Variants in RPGRIP1L observed in about 807,000 individuals in gnomAD.
RPGRIP1L encodes protein fantom.
A neutral mutation model predicts 160.4 loss-of-function variants in RPGRIP1L; 131 were observed. The ratio of observed to expected loss-of-function variants is 0.82; its 90% CI spans 0.71 to 0.94. The LOEUF (loss-of-function observed/expected upper bound fraction) is 0.94. Ranked by LOEUF, RPGRIP1L falls within the 40% of genes least tolerant of loss-of-function variation. RPGRIP1L has a pLI of 0.00. For synonymous variants in RPGRIP1L, 510 were observed against 515.8 expected, an observed-to-expected ratio of 0.99 and a Z score of 0.15; for missense variants, 1,522 against 1,535.8, an observed-to-expected ratio of 0.99 and a Z score of 0.15.
chr16:53,686,856 T>C (rs1970055121), intron 5 of RPGRIP1L, among the ~76,000 whole-genome samples: 1 of 152,208 alleles, frequency 6.6e-6, no homozygotes, highest in Non-Finnish European at 1.5e-5. Flanking sequence ...GGAGTACACC[T>C]ACTATGTATG....
chr16:53,622,321 G>T lies in RPGRIP1L; in HGVS notation c.3330C>A (p.Ser1110Arg). 1.6e-6 allele frequency: 1 copy of T among 644,012 alleles called. No homozygotes were observed. The highest frequency in any genetic ancestry group is 2.8e-6 in the Non-Finnish European group (1 of 352,042). The allele number at this position is 644,012 out of a possible 1,614,324, so 39.9% of individuals were successfully genotyped here. A position where few individuals can be genotyped will look rare whatever the true frequency, so the allele number is the denominator to read the frequency against. The change falls in exon 23 of 27, where the codon AGC becomes AGA. Residue 1110 changes from serine (S) to arginine (R), a missense_variant. Transcript: ENST00000647211. ...GGAAGTTGCAGTGAGCTGAGATCGC[G>T]CTACTGCACCCCAGCCCGGGAGACA... Reference protein sequence around the residue: ...LALSPGLGCSSAISAHCNFRL... With the variant: ...LALSPGLGCSRAISAHCNFRL...
chr16:53,652,991 C>A lies in RPGRIP1L; in HGVS notation c.1700-4G>T, dbSNP rs1966916853. ...TAGGCAATATCCTTTAATTGGGCTG[C>A]AAGAGAAGACACACAGTTTAGAGAT... On this transcript the variant is annotated splice_region_variant and splice_polypyrimidine_tract_variant and intron_variant, in intron 14 of 26. Transcript: ENST00000647211. 6.2e-7 allele frequency: 1 copy of A among 1,605,322 alleles called. No homozygotes were observed. The highest frequency in any genetic ancestry group is 2.2e-5 in the East Asian group (1 of 44,834).
intron 7 of RPGRIP1L, among the ~76,000 whole-genome samples, chr16:53,674,085 ACT>A: frequency 6.6e-6 from 1 of 152,152 alleles, no homozygotes; most frequent in South Asian, 2.1e-4. Flanking sequence ...TATCATTCTC[ACT>A]CTCTCATCAG....
rs776302953 is a variant in RPGRIP1L at position 53,646,019 on chromosome 16, T to C, written c.2305-16A>G. The C allele has an allele frequency of 1.2e-6, 2 of 1,612,186 alleles. No individual in the cohort carries two copies. The highest frequency in any genetic ancestry group is 1.7e-6 in the Non-Finnish European group (2 of 1,178,392). On this transcript the variant is annotated splice_polypyrimidine_tract_variant and intron_variant, in intron 16 of 26. Transcript: ENST00000647211. ...GCTGACTTAACTGGAAAAACATACATATTTATATTAAGGAAATAACACAGT... is the reference window on the plus strand; with the variant it reads ...GCTGACTTAACTGGAAAAACATACACATTTATATTAAGGAAATAACACAGT...
At chr16:53,651,709 C>T in intron 15 of RPGRIP1L, among the ~76,000 whole-genome samples, 1 of 152,258 alleles carries the variant, frequency 6.6e-6, no homozygotes, top group South Asian at 2.1e-4. Context: ...CTCCCTTTAG[C>T]CTCTTTCTCT....
chr16:53,658,848 C>T lies in RPGRIP1L; in HGVS notation c.1274G>A (p.Arg425Lys), dbSNP rs1397824321. The part of the protein sequence containing the change: ...DQNEKLVQEN[R>K]ELQLQYLEQK... The stretch of plus-strand genomic sequence containing the variant: ...TTCCAGATACTGTAACTGTAGTTCT[C>T]TATTCTCTTGAACGAGTTTTTCATT... Residue 425 changes from arginine (R) to lysine (K), a missense_variant, in exon 11 of 27, where the codon AGA becomes AAA. Physicochemically the swap from Arg to Lys is conservative, Grantham distance 26 (BLOSUM62 2). Coordinates refer to ENST00000647211, the MANE Select transcript of RPGRIP1L (RefSeq NM_015272.5). 3 of 1,606,184 alleles carry T rather than the reference C, an allele frequency of 1.9e-6. No individual in the cohort carries two copies. Among genetic ancestry groups the T allele is most frequent in the Non-Finnish European group, 2.6e-6 (3 of 1,174,854 alleles).
At chr16:53,640,922 A>G (rs1317490594) in intron 19 of RPGRIP1L, 111 bp downstream of exon 19, 2 of 800,348 alleles carry the variant, frequency 2.5e-6, no homozygotes, top group African/African-American at 3.4e-5. Flanking sequence ...GGGAAAAGAC[A>G]TACTTTATTC....
chr16:53,691,476 A>C (rs1217279090), intron 4 of RPGRIP1L, among the ~76,000 whole-genome samples: 1 of 152,196 alleles, frequency 6.6e-6, no homozygotes, highest in Non-Finnish European at 1.5e-5. Context: ...TAGAGATGGA[A>C]GAGACCTTTA....
chr16:53,694,669 C>T (rs1213717713), intron 3 of RPGRIP1L: 1 of 151,868 alleles, frequency 6.6e-6, no homozygotes, highest in Non-Finnish European at 1.5e-5. Flanking sequence ...TGCCACCATG[C>T]CCAGCTAATT....
intron 2 of RPGRIP1L, among the ~76,000 whole-genome samples, chr16:53,698,270 T>G (rs1598426471): frequency 7.5e-6 from 1 of 133,556 alleles, no homozygotes; most frequent in Non-Finnish European, 1.6e-5. Context: ...GGGAGGGAGG[T>G]GGGGGGTCAG....
intron 15 of RPGRIP1L, among the ~76,000 whole-genome samples, chr16:53,650,084 T>A (rs866621390): frequency 5.1e-4 from 77 of 152,212 alleles, no homozygotes; most frequent in African/African-American, 1.8e-3. Context: ...CCTGCTATAG[T>A]TTGAATGTTT....
At chr16:53,681,257 T>G (rs776434112) in intron 6 of RPGRIP1L, among the ~76,000 whole-genome samples, 2 of 152,192 alleles carry the variant, frequency 1.3e-5, no homozygotes, top group Admixed American at 6.5e-5. Context: ...GGCAGTTACA[T>G]GATTTCTAAT....
intron 22 of RPGRIP1L, among the ~76,000 whole-genome samples, chr16:53,627,639 G>A (rs963463370): frequency 9.9e-5 from 15 of 152,188 alleles, no homozygotes; most frequent in Non-Finnish European, 1.9e-4. Context: ...TCTACTGCAT[G>A]TGTGTATATC....
chr16:53,701,449 A>G (rs1039885144), intron 1 of RPGRIP1L, among the ~76,000 whole-genome samples: 32 of 150,950 alleles, frequency 2.1e-4, no homozygotes, highest in African/African-American at 7.6e-4. Flanking sequence ...GTATTTTTGT[A>G]GTTTCTATTC....
At position 53,598,673 on chromosome 16, in the gene RPGRIP1L, G is replaced by A. The variant is rs1459530446; in HGVS notation, c.*3403C>T. Reference sequence around the variant, plus strand: ...GAACAAAGGGGATGTAAATCTGTTTGTTCCCATTCATGGATTTAATTAGGC... The same window carrying A: ...GAACAAAGGGGATGTAAATCTGTTTATTCCCATTCATGGATTTAATTAGGC... On this transcript the variant is annotated 3_prime_UTR_variant, in exon 27 of 27. Coordinates refer to ENST00000647211, the MANE Select transcript of RPGRIP1L (RefSeq NM_015272.5). The A allele has an allele frequency of 6.6e-6, 1 of 152,180 alleles. No individual in the cohort carries two copies. Among genetic ancestry groups the A allele is most frequent in the Non-Finnish European group, 1.5e-5 (1 of 68,024 alleles). 9.4% of individuals were successfully genotyped at this position (152,180 alleles called of 1,614,324 possible). A position where few individuals can be genotyped will look rare whatever the true frequency, so the allele number is the denominator to read the frequency against.
chr16:53,639,853 T>C (rs1242312146), intron 19 of RPGRIP1L, among the ~76,000 whole-genome samples: 1 of 152,206 alleles, frequency 6.6e-6, no homozygotes, highest in Non-Finnish European at 1.5e-5. Flanking sequence ...ATTTATCACA[T>C]ACATATTAAA....
Position 53,611,039 on chromosome 16 carries a change from T to C in RPGRIP1L, c.3629A>G (p.Asp1210Gly). ...TCTCTTTGCTTTGTTGTTTTCTTTA[T>C]CCACGTAGATCACTATACCAAAAGA... ...YYNYSNVIYV[D>G]KENNKAKRDI... Residue 1210 changes from aspartate to glycine, a missense_variant, in exon 25 of 27, where the codon GAT becomes GGT. Coordinates refer to ENST00000647211, the MANE Select transcript of RPGRIP1L (RefSeq NM_015272.5). The C allele has an allele frequency of 2.5e-6, 4 of 1,611,802 alleles. No individual in the cohort carries two copies. The highest frequency in any genetic ancestry group is 1.1e-5 in the South Asian group (1 of 91,038).
intron 6 of RPGRIP1L, among the ~76,000 whole-genome samples, chr16:53,683,203 T>A (rs1969732964): frequency 6.6e-6 from 1 of 151,956 alleles, no homozygotes; most frequent in South Asian, 2.1e-4. Flanking sequence ...AGCCAGAAAA[T>A]CTTACTTGGT....
rs145516192 is a variant in RPGRIP1L, at chr16:53,656,514, G to T, written c.1657C>A (p.His553Asn). Residue 553 changes from histidine to asparagine, a missense_variant, in exon 14 of 27, where the codon CAT (histidine) becomes AAT (asparagine). Coordinates refer to ENST00000647211, the MANE Select transcript of RPGRIP1L (RefSeq NM_015272.5). ...DYELKVEQYVHLLDIRAARIH... is the reference protein window; with the variant it reads ...DYELKVEQYVNLLDIRAARIH... ...CGTGCAGCCCTGATATCAAGAAGAT[G>T]AACATACTGTTCCACTTTGAGTTCA... 1.5e-5 allele frequency: 25 copies of T among 1,613,804 alleles called. No individual in the cohort carries two copies. Among genetic ancestry groups the T allele is most frequent in the Non-Finnish European group, 2.1e-5 (25 of 1,179,876 alleles).
Sources: allele counts gnomAD v4.1 joint callset (sites outside exome capture counted in the v4.1 genomes callset), GRCh38; gene constraint gnomAD v4.1.1; transcripts MANE v1.5; gene names NCBI Gene and HGNC (gene_info 2026-07-23, HGNC 2026-07-21).